The following RASAL2 variants were observed in gnomAD, a reference collection of about 807,000 sequenced individuals.
The protein encoded by RASAL2 is RAS protein activator like 2, also known as ras GTPase-activating protein nGAP.
A neutral mutation model predicts 128.9 loss-of-function variants in RASAL2; 58 were observed. That is an observed-to-expected ratio of 0.45 (90% CI 0.36 to 0.56). The LOEUF (loss-of-function observed/expected upper bound fraction) is 0.56, where lower values mean the gene tolerates loss of function less well. RASAL2 is among the 20% of genes least tolerant of loss of function. RASAL2 has a pLI of 0.00. For missense variants in RASAL2, 1,360 were observed against 1,601.6 expected (o/e 0.85, Z 2.57); for synonymous variants, 561 against 580.8 (o/e 0.97, Z 0.49).
intron 4 of RASAL2, among the ~76,000 whole-genome samples, chr1:178,414,083 A>G (rs993651535): frequency 2.0e-5 from 3 of 152,226 alleles, no homozygotes; most frequent in African/African-American, 7.2e-5. Context: ...GATTCCAACC[A>G]CAGATGCTCC....
chr1:178,347,288 G>A (rs777918403), intron 3 of RASAL2, among the ~76,000 whole-genome samples: 4 of 152,186 alleles, frequency 2.6e-5, no homozygotes, highest in Non-Finnish European at 5.9e-5. Context: ...CTTTGTTCTT[G>A]AATTAAATAT....
intron 1 of RASAL2, among the ~76,000 whole-genome samples, chr1:178,137,917 C>T (rs1416816654): frequency 3.9e-5 from 6 of 152,156 alleles, no homozygotes; most frequent in African/African-American, 1.2e-4. Flanking sequence ...GCCATTTCTG[C>T]GTCATATTTT....
intron 3 of RASAL2, among the ~76,000 whole-genome samples, chr1:178,384,621 T>C (rs1672452941): frequency 6.6e-6 from 1 of 150,932 alleles, no homozygotes; most frequent in African/African-American, 2.4e-5. Flanking sequence ...GGAGCTGAGA[T>C]TGTGCCACTG....
intron 1 of RASAL2, among the ~76,000 whole-genome samples, chr1:178,149,085 A>G (rs953312166): frequency 3.3e-5 from 5 of 152,158 alleles, no homozygotes; most frequent in African/African-American, 1.2e-4. Flanking sequence ...TGAATGATCT[A>G]AACCCATGTA....
intron 1 of RASAL2, among the ~76,000 whole-genome samples, chr1:178,218,875 C>G (rs1663520597): frequency 6.6e-6 from 1 of 152,236 alleles, no homozygotes; most frequent in Admixed American, 6.5e-5. Context: ...ACAACAGAGT[C>G]AGCCTATCCT....
Position 178,457,765 on chromosome 1 carries a change from G to C in RASAL2, c.2473G>C (p.Ala825Pro), listed in dbSNP as rs769933312. 6 of 1,614,190 alleles carry C rather than the reference G, an allele frequency of 3.7e-6. No homozygotes were observed. Among genetic ancestry groups the C allele is most frequent in the Non-Finnish European group, 5.1e-6 (6 of 1,180,022 alleles). ...RGKTLLLVQQ[A>P]SSQSMTYSEK... ...GAAAACATTATTGCTGGTTCAGCAA[G>C]CCTCCTCTCAGAGCATGACTTATTC... Residue 825 changes from alanine to proline, a missense_variant, in exon 14 of 18, where the codon GCC (alanine) becomes CCC (proline). Ala to Pro is a conservative substitution (Grantham distance 27). Around this residue, in one of 3 missense-constraint regions of RASAL2, gnomAD observed 741 missense variants for 868.6 expected, o/e 0.85. Transcript: ENST00000367649.
chr1:178,402,638 T>C (rs925768931), intron 4 of RASAL2, among the ~76,000 whole-genome samples: 4 of 152,200 alleles, frequency 2.6e-5, no homozygotes, highest in Admixed American at 2.6e-4. Context: ...TGATAGACGT[T>C]AGTAAAGAGT....
At chr1:178,094,759 C>T in intron 1 of RASAL2, 65 bp downstream of exon 1, 2 of 1,581,724 alleles carry the variant, frequency 1.3e-6, no homozygotes, top group South Asian at 2.3e-5. Context: ...AAATTCATTC[C>T]CTAAGTCACA....
chr1:178,376,625 A>G (rs1025303894), intron 3 of RASAL2, among the ~76,000 whole-genome samples: 2 of 152,108 alleles, frequency 1.3e-5, no homozygotes, highest in African/African-American at 2.4e-5. Context: ...GATAACAGCT[A>G]CTGTATTAAT....
At chr1:178,185,274 G>A (rs61813805) in intron 1 of RASAL2, among the ~76,000 whole-genome samples, 15,914 of 151,454 alleles carry the variant, frequency 0.11, 1,062 homozygotes, top group East Asian at 0.18. Flanking sequence ...TCTACAGACA[G>A]TCATGTCATT....
chr1:178,465,719 GATAATT>G (rs1647602259), intron 15 of RASAL2, among the ~76,000 whole-genome samples, 195 bp from the exon 16 acceptor site: 1 of 151,268 alleles, frequency 6.6e-6, no homozygotes. Context: ...TATGCCAGTT[GATAATT>G]ATAAAGAATA....
intron 3 of RASAL2, among the ~76,000 whole-genome samples, chr1:178,343,517 G>A (rs572144592): frequency 1.5e-3 from 232 of 152,262 alleles, no homozygotes; most frequent in African/African-American, 5.4e-3. Context: ...ATATATCTAT[G>A]TATATTATGT....
At chr1:178,312,121 C>T (rs1446110900) in intron 3 of RASAL2, among the ~76,000 whole-genome samples, 1 of 151,934 alleles carries the variant, frequency 6.6e-6, no homozygotes, top group East Asian at 1.9e-4. Flanking sequence ...AACAACAATT[C>T]CAGAAAAAGG....
At chr1:178,097,638 A>G (rs951463121) in intron 1 of RASAL2, among the ~76,000 whole-genome samples, 1 of 152,202 alleles carries the variant, frequency 6.6e-6, no homozygotes, top group Non-Finnish European at 1.5e-5. Context: ...GATAATAATA[A>G]GGAACTTTAT....
intron 1 of RASAL2, among the ~76,000 whole-genome samples, chr1:178,140,922 G>C (rs553194694): frequency 6.6e-6 from 1 of 152,330 alleles, no homozygotes. Flanking sequence ...GGCTATGCAA[G>C]CATGGCACTG....
intron 1 of RASAL2, among the ~76,000 whole-genome samples, chr1:178,195,858 A>G (rs1288102760): frequency 1.3e-5 from 2 of 152,152 alleles, no homozygotes; most frequent in Non-Finnish European, 2.9e-5. Context: ...GGCTGTTATT[A>G]TAATCATAAA....
At chr1:178,124,921 A>G (rs973837874) in intron 1 of RASAL2, among the ~76,000 whole-genome samples, 2 of 152,206 alleles carry the variant, frequency 1.3e-5, no homozygotes, top group Admixed American at 6.5e-5. Context: ...TCCTTTCTCC[A>G]TAAGCTTTCT....
chr1:178,441,674 A>G, intron 7 of RASAL2, 27 bp downstream of exon 7: 1 of 1,546,110 alleles, frequency 6.5e-7, no homozygotes. Context: ...GTATCTAAAA[A>G]ATGTATAACT....
chr1:178,283,679 C>A lies in RASAL2; in HGVS notation c.318C>A (p.Asn106Lys), dbSNP rs768383867. 3 of 1,612,932 alleles carry A rather than the reference C, an allele frequency of 1.9e-6. No homozygotes were observed. In the African/African-American group the frequency reaches 4.0e-5, roughly 22 times the overall value. ...ILTDSQLVLL[N>K]KEKEIPVEGG... ...CAGACAGCCAGTTGGTATTGCTCAACAAGGAGAAGGAGGTGAGATGGATAT... is the reference window on the plus strand; with the variant it reads ...CAGACAGCCAGTTGGTATTGCTCAAAAAGGAGAAGGAGGTGAGATGGATAT... The change falls in exon 2 of 18, where the codon AAC (asparagine) becomes AAA (lysine). Residue 106 changes from asparagine to lysine, a missense_variant. Transcript: ENST00000367649.
Sources: gnomAD v4.1 joint callset for allele counts (sites outside exome capture counted in the v4.1 genomes callset) on GRCh38, gnomAD v4.1.1 for gene constraint, gnomAD v4.1.1 regional missense constraint, MANE v1.5 for transcripts, NCBI Gene and HGNC (gene_info 2026-07-23, HGNC 2026-07-21) for gene names.